MYO10: variants seen among roughly 807,000 people sequenced by gnomAD.
MYO10 encodes unconventional myosin-X.
MYO10 carries 133 observed loss-of-function variants against 257.3 expected under a neutral mutation model. The ratio of observed to expected loss-of-function variants is 0.52; its 90% CI spans 0.45 to 0.60. The LOEUF (loss-of-function observed/expected upper bound fraction) is 0.60. Ranked by LOEUF, MYO10 falls within the 20% of genes least tolerant of loss-of-function variation. The pLI, the probability that MYO10 is intolerant of heterozygous loss-of-function variation, is 0.00. For missense variants in MYO10, 2,399 were observed against 2,635.7 expected (o/e 0.91, Z 1.97); for synonymous variants, 1,104 against 1,028.6 (o/e 1.07, Z -1.40).
At chr5:16,742,026 G>A in intron 19 of MYO10, 1 of 985,364 alleles carries the variant, frequency 1.0e-6, no homozygotes. Flanking sequence ...GATAGGAACT[G>A]CTGAAGACAC....
At position 16,717,200 on chromosome 5, in the gene MYO10, G is replaced by A. The variant is rs570833978; in HGVS notation, c.1930-5955C>T. On this transcript the variant is annotated intron_variant, in intron 19 of 40. Coordinates refer to ENST00000513610, the MANE Select transcript of MYO10 (RefSeq NM_012334.3). ...AAAAGTAAGTCTCAAAGAGCTTTGC[G>A]TTCCTGAAAACTAGCATGTAAATCA... Among the ~76,000 whole-genome samples the A allele has an allele frequency of 2.3e-4, 35 of 152,288 alleles. No individual in the cohort carries two copies. In the South Asian group the frequency reaches 5.4e-3, roughly 23 times the overall value.
chr5:16,740,362 TA>T (rs1302473712), intron 19 of MYO10, among the ~76,000 whole-genome samples: 8 of 151,392 alleles, frequency 5.3e-5, no homozygotes, highest in Admixed American at 4.6e-4. Flanking sequence ...GAAAAAAAAA[TA>T]TCTCAGTCTG....
At chr5:16,733,834 G>C (rs1739681883) in intron 19 of MYO10, among the ~76,000 whole-genome samples, 4 of 152,142 alleles carry the variant, frequency 2.6e-5, no homozygotes, top group Admixed American at 2.6e-4. Context: ...TGGACTCTGG[G>C]CAGGGGGCGC....
intron 19 of MYO10, among the ~76,000 whole-genome samples, chr5:16,724,627 A>G (rs1739282371): frequency 6.6e-6 from 1 of 152,130 alleles, no homozygotes; most frequent in Non-Finnish European, 1.5e-5. Context: ...GTTCCACTGC[A>G]AGACGTCATG....
At chr5:16,810,804 C>A (rs1742412418) in intron 3 of MYO10, among the ~76,000 whole-genome samples, 1 of 151,940 alleles carries the variant, frequency 6.6e-6, no homozygotes, top group African/African-American at 2.4e-5. Context: ...GGTGCAGTGG[C>A]TCACGTCTGT....
intron 1 of MYO10, among the ~76,000 whole-genome samples, chr5:16,882,661 T>C (rs1348348857): frequency 6.6e-6 from 1 of 152,130 alleles, no homozygotes; most frequent in East Asian, 1.9e-4. Context: ...AAAGGCTACA[T>C]ATTGTGTGGT....
Position 16,701,426 on chromosome 5 carries a change from T to A in MYO10, c.2969A>T (p.Glu990Val). 1.9e-6 allele frequency: 3 copies of A among 1,614,004 alleles called. No individual in the cohort carries two copies. The highest frequency in any genetic ancestry group is 1.7e-6 in the Non-Finnish European group (2 of 1,179,892). Residue 990 changes from glutamate to valine, a missense_variant, in exon 25 of 41, where the codon GAG (glutamate) becomes GTG (valine). Transcript: ENST00000513610. The surrounding 1 kb of genome is among the most constrained non-coding windows in gnomAD (Gnocchi z 8.1). ...TTCGAAGCCCTCATCGACCTCCTCC[T>A]CTGGGTAGGGCTGGCTGAAGTTGAA... ...PNFNFSQPYP[E>V]EEVDEGFEAD...
chr5:16,785,891 A>C (rs28655327), intron 4 of MYO10, among the ~76,000 whole-genome samples: 17 of 12,222 alleles, frequency 1.4e-3, no homozygotes, highest in Non-Finnish European at 2.7e-3. Context: ...TAAAAAAAAC[A>C]AAAAAACAAA....
At chr5:16,847,001 C>A (rs1382991187) in intron 2 of MYO10, among the ~76,000 whole-genome samples, 2 of 152,026 alleles carry the variant, frequency 1.3e-5, no homozygotes, top group African/African-American at 4.8e-5. Context: ...ACCTGTAATC[C>A]CAGCTATGCG....
In MYO10 at chr5:16,694,596, C is replaced by T; in HGVS notation, c.3575G>A (p.Trp1192Ter). The T allele has an allele frequency of 1.9e-6, 3 of 1,613,828 alleles. No homozygotes were observed. The highest frequency in any genetic ancestry group is 2.5e-6 in the Non-Finnish European group (3 of 1,179,894). Residue 1192 changes from tryptophan (W) to a stop codon, truncating the protein, a stop_gained, in exon 27 of 41, where the codon TGG becomes TAG. Transcript: ENST00000513610. LOFTEE classifies it high-confidence loss of function. ...LYMKGGLMNS[W>*]KRRWCVLKDE... ...CTTGAGGACGCACCAGCGGCGTTTC[C>T]AAGAGTTCATCAGGCCACCTGTTCC... is the stretch of plus-strand genomic sequence containing the variant.
intron 2 of MYO10, among the ~76,000 whole-genome samples, chr5:16,857,461 G>A (rs962446051): frequency 1.3e-5 from 2 of 152,166 alleles, no homozygotes; most frequent in Non-Finnish European, 2.9e-5. Context: ...CCCACACATA[G>A]CCTGCCAACC....
At chr5:16,709,057 T>A (rs1396854111) in intron 21 of MYO10, among the ~76,000 whole-genome samples, 2 of 152,152 alleles carry the variant, frequency 1.3e-5, no homozygotes, top group African/African-American at 4.8e-5. Flanking sequence ...CTCTACATGC[T>A]CTACTGGGTG....
At chr5:16,752,988 C>T (rs1740423824) in intron 19 of MYO10, among the ~76,000 whole-genome samples, 1 of 152,148 alleles carries the variant, frequency 6.6e-6, no homozygotes, top group Admixed American at 6.6e-5. Flanking sequence ...AAAGTCAGCA[C>T]AGATCTTCAA....
chr5:16,867,993 A>G (rs1009752327), intron 2 of MYO10, among the ~76,000 whole-genome samples: 2 of 152,218 alleles, frequency 1.3e-5, no homozygotes, highest in African/African-American at 2.4e-5. Flanking sequence ...GCACAGAGTA[A>G]TCGCCTTGAT....
chr5:16,664,492 T>C lies in MYO10; in HGVS notation c.*2200A>G, dbSNP rs1367263708. On this transcript the variant is annotated 3_prime_UTR_variant, in exon 41 of 41. Transcript: ENST00000513610. ...GGGGCCACAGGCTTCAGGCAGCACC[T>C]GGCTTCAGGTTCCATCCCAATCCCT... The C allele has an allele frequency of 1.3e-5, 2 of 152,228 alleles. No homozygotes were observed. Among genetic ancestry groups the C allele is most frequent in the African/African-American group, 4.8e-5 (2 of 41,460 alleles). 9.4% of individuals were successfully genotyped at this position (152,228 alleles called of 1,614,324 possible).
chr5:16,666,976 A>G (rs1249734757), intron 40 of MYO10, among the ~76,000 whole-genome samples, 183 bp from the exon 41 acceptor site: 1 of 152,194 alleles, frequency 6.6e-6, no homozygotes, highest in South Asian at 2.1e-4. Flanking sequence ...GAAAGGTGGA[A>G]TCTCAGCTTT....
chr5:16,669,243 T>C (rs551596209), intron 39 of MYO10, among the ~76,000 whole-genome samples: 5 of 151,230 alleles, frequency 3.3e-5, no homozygotes, highest in East Asian at 2.0e-4. Context: ...TGACGGAGTC[T>C]CACTCTGTCG....
intron 19 of MYO10, among the ~76,000 whole-genome samples, chr5:16,751,216 A>T (rs1740368126): frequency 6.6e-6 from 1 of 152,186 alleles, no homozygotes; most frequent in Non-Finnish European, 1.5e-5. Context: ...GAAGAAGGCA[A>T]GATTTTTCCT....
chr5:16,767,931 TC>T (rs1378761631), intron 10 of MYO10, among the ~76,000 whole-genome samples: 1 of 152,006 alleles, frequency 6.6e-6, no homozygotes, highest in African/African-American at 2.4e-5. Flanking sequence ...ACCTGCCTCA[TC>T]CTCCCAAAGT....
Sources: gnomAD v4.1 joint callset for allele counts (sites outside exome capture counted in the v4.1 genomes callset) on GRCh38, gnomAD v4.1.1 for gene constraint, Gnocchi (gnomAD v3.1) non-coding constraint, MANE v1.5 for transcripts, NCBI Gene and HGNC (gene_info 2026-07-23, HGNC 2026-07-21) for gene names.